Variants in ADGRB3 observed in about 807,000 individuals in gnomAD.
ADGRB3 encodes the protein adhesion G protein-coupled receptor B3.
ADGRB3 carries 37 observed loss-of-function variants against 193.4 expected under a neutral mutation model. That is an observed-to-expected ratio of 0.19 (90% confidence interval 0.15 to 0.25). The LOEUF (loss-of-function observed/expected upper bound fraction) is 0.25, where lower values mean the gene tolerates loss of function less well. ADGRB3 is among the 10% of genes least tolerant of loss of function. ADGRB3 has a pLI of 1.00. For missense variants in ADGRB3, 1,637 were observed against 1,852.9 expected (o/e 0.88, Z 2.14); for synonymous variants, 690 against 644.2 (o/e 1.07, Z -1.08).
chr6:69,170,889 A>T (rs544497765), intron 17 of ADGRB3, among the ~76,000 whole-genome samples: 4 of 152,170 alleles, frequency 2.6e-5, no homozygotes, highest in Non-Finnish European at 2.9e-5. Flanking sequence ...GAGTTCATGT[A>T]AGGTGACATA....
intron 20 of ADGRB3, among the ~76,000 whole-genome samples, chr6:69,281,567 T>G (rs764398715): frequency 4.6e-5 from 7 of 152,172 alleles, no homozygotes; most frequent in Non-Finnish European, 7.3e-5. Context: ...GGGTCTAAGC[T>G]TTTAGCCCAT....
intron 17 of ADGRB3, among the ~76,000 whole-genome samples, chr6:69,147,997 C>G (rs1471744955): frequency 6.6e-6 from 1 of 152,080 alleles, no homozygotes; most frequent in South Asian, 2.1e-4. Context: ...CTTTTTCCAT[C>G]CCTTTACTTT....
rs1461987667 is a variant in ADGRB3, at chr6:69,298,877, C to T, written c.2815-25995C>T. ...GATATCTCTTCCATATACTGTTTTC[C>T]TTTCTTTTGAATATACACCCAGCAG... is the stretch of plus-strand genomic sequence containing the variant. On this transcript the variant is annotated intron_variant, in intron 20 of 31. Coordinates refer to ENST00000370598, the MANE Select transcript of ADGRB3 (RefSeq NM_001704.3). Among the ~76,000 whole-genome samples, 12 of 151,972 alleles carry T rather than the reference C, an allele frequency of 7.9e-5. No individual in the cohort carries two copies. In the East Asian group the frequency reaches 2.3e-3, roughly 30 times the overall value.
Position 69,199,969 on chromosome 6 carries a change from C to A in ADGRB3, c.2481-33321C>A, listed in dbSNP as rs180965004. ...AGTTTTTGAGCCATTCAATGTTGAT[C>A]AAAAAAAAAGGTTTAAGATGAAAAA... On this transcript the variant is annotated intron_variant, in intron 17 of 31. Transcript: ENST00000370598. Among the ~76,000 whole-genome samples the A allele has an allele frequency of 2.7e-3, 409 of 149,482 alleles. 1 individual carries two copies. The highest frequency in any genetic ancestry group is 9.6e-3 in the African/African-American group (393 of 40,772).
intron 3 of ADGRB3, among the ~76,000 whole-genome samples, chr6:68,780,380 T>C (rs1214876419): frequency 1.3e-5 from 2 of 152,042 alleles, no homozygotes; most frequent in African/African-American, 4.8e-5. Flanking sequence ...TGTATGTTCA[T>C]CAGAGATGAC....
intron 17 of ADGRB3, among the ~76,000 whole-genome samples, chr6:69,182,046 G>T (rs191507689): frequency 6.6e-6 from 1 of 152,148 alleles, no homozygotes; most frequent in Admixed American, 6.5e-5. Context: ...CCCAACCTCA[G>T]GACTTTTGAC....
At chr6:69,293,196 G>A (rs1380195243) in intron 20 of ADGRB3, among the ~76,000 whole-genome samples, 2 of 152,076 alleles carry the variant, frequency 1.3e-5, no homozygotes, top group Admixed American at 6.6e-5. Flanking sequence ...AAGTATTTTC[G>A]ATTTTTTTTT....
At chr6:69,206,020 A>C (rs1765529688) in intron 17 of ADGRB3, among the ~76,000 whole-genome samples, 1 of 139,608 alleles carries the variant, frequency 7.2e-6, no homozygotes, top group Admixed American at 7.5e-5. Flanking sequence ...ATATATATAG[A>C]GAGAGAATAA....
intron 3 of ADGRB3, among the ~76,000 whole-genome samples, chr6:68,696,988 C>T (rs143170624): frequency 5.3e-5 from 8 of 152,092 alleles, no homozygotes; most frequent in Non-Finnish European, 4.4e-5. Context: ...TCAGTCAGCT[C>T]AGTCAGTGAG....
At chr6:69,012,616 G>A (rs1162780798) in intron 11 of ADGRB3, among the ~76,000 whole-genome samples, 1 of 152,032 alleles carries the variant, frequency 6.6e-6, no homozygotes, top group African/African-American at 2.4e-5. Flanking sequence ...AGACTTGCAG[G>A]TTTTTTAAGA....
chr6:68,762,986 T>C (rs2127352036), intron 3 of ADGRB3, among the ~76,000 whole-genome samples: 1 of 152,356 alleles, frequency 6.6e-6, no homozygotes, highest in East Asian at 1.9e-4. Flanking sequence ...ATTTAAAACA[T>C]TCCTTGTTTG....
intron 3 of ADGRB3, among the ~76,000 whole-genome samples, chr6:68,680,182 C>T (rs1310953065): frequency 6.6e-6 from 1 of 151,854 alleles, no homozygotes; most frequent in Admixed American, 6.6e-5. Context: ...ATAAACAACC[C>T]AGTGTGTGAT....
intron 3 of ADGRB3, among the ~76,000 whole-genome samples, chr6:68,694,386 TA>T (rs1411752145): frequency 1.3e-5 from 2 of 152,032 alleles, no homozygotes. Context: ...AAACCTAACT[TA>T]AGTGAATTTT....
intron 20 of ADGRB3, among the ~76,000 whole-genome samples, chr6:69,252,875 T>A (rs1421904233): frequency 6.6e-6 from 1 of 152,104 alleles, no homozygotes; most frequent in Non-Finnish European, 1.5e-5. Context: ...GTCATAAAAA[T>A]GTTTTTCTAT....
At chr6:68,895,450 A>G (rs1399948300) in intron 3 of ADGRB3, among the ~76,000 whole-genome samples, 1 of 152,008 alleles carries the variant, frequency 6.6e-6, no homozygotes, top group Non-Finnish European at 1.5e-5. Context: ...GTGGAATTGA[A>G]CAAATCTGTT....
chr6:69,192,020 C>G (rs1765199024), intron 17 of ADGRB3, among the ~76,000 whole-genome samples: 1 of 152,088 alleles, frequency 6.6e-6, no homozygotes, highest in African/African-American at 2.4e-5. Flanking sequence ...TACCCTTAAT[C>G]TTTATCTGTG....
chr6:68,767,282 T>C (rs1766528028), intron 3 of ADGRB3, among the ~76,000 whole-genome samples: 1 of 151,878 alleles, frequency 6.6e-6, no homozygotes, highest in South Asian at 2.1e-4. Context: ...TACACAATTT[T>C]TTCTTTTAAA....
chr6:69,076,580 C>A (rs1284604354), intron 17 of ADGRB3, among the ~76,000 whole-genome samples: 1 of 151,702 alleles, frequency 6.6e-6, no homozygotes, highest in South Asian at 2.1e-4. Flanking sequence ...ATGAGTAATT[C>A]TTCCATGTTA....
intron 26 of ADGRB3, among the ~76,000 whole-genome samples, chr6:69,342,213 T>C (rs1301860412): frequency 6.6e-6 from 1 of 152,118 alleles, no homozygotes; most frequent in Non-Finnish European, 1.5e-5. Context: ...TAATGGAAAA[T>C]AAAAATATGG....
Sources: gnomAD v4.1 joint callset for allele counts (sites outside exome capture counted in the v4.1 genomes callset) on GRCh38, gnomAD v4.1.1 for gene constraint, MANE v1.5 for transcripts, NCBI Gene and HGNC (gene_info 2026-07-23, HGNC 2026-07-21) for gene names.